The following FAM184A variants were observed in gnomAD, a reference collection of about 807,000 sequenced individuals.
FAM184A encodes the protein protein FAM184A.
In FAM184A, 99 loss-of-function variants were observed where a neutral mutation model predicts 143.8. That is an observed-to-expected ratio of 0.69 (90% CI 0.58 to 0.81). FAM184A has a LOEUF of 0.81. Ranked by LOEUF, FAM184A falls within the 40% of genes least tolerant of loss-of-function variation. The pLI is 0.00. For synonymous variants in FAM184A, 427 were observed against 446.4 expected (o/e 0.96, Z 0.55); for missense variants, 1,217 against 1,310.5 (o/e 0.93, Z 1.10).
At chr6:119,100,926 T>C (rs919821071) in intron 1 of FAM184A, among the ~76,000 whole-genome samples, 1 of 150,632 alleles carries the variant, frequency 6.6e-6, no homozygotes, top group Admixed American at 6.6e-5. Flanking sequence ...GCCACTGCAC[T>C]CCAGCCTGGG....
intron 1 of FAM184A, among the ~76,000 whole-genome samples, chr6:119,045,703 G>T (rs544115556): frequency 9.7e-4 from 148 of 152,102 alleles, no homozygotes; most frequent in South Asian, 8.1e-3. Context: ...TTACTAATAA[G>T]AGCAACAAAT....
chr6:119,106,736 ATTATC>A (rs1210319175), intron 1 of FAM184A, among the ~76,000 whole-genome samples: 13 of 152,230 alleles, frequency 8.5e-5, no homozygotes, highest in Non-Finnish European at 1.0e-4. Flanking sequence ...ACTAATTGTA[ATTATC>A]TTATGTGGCA....
In FAM184A at chr6:118,979,507, A is replaced by C. The variant is rs1783954089; in HGVS notation, c.2313T>G (p.Asn771Lys). The part of the protein sequence containing the change: ...EKEKEQRALE[N>K]HLQQKHSAEL... ...CTGCAGAATGCTTCTGTTGTAAATG[A>C]TTTTCAAGAGCCTAGAACAAGACAA... Residue 771 changes from asparagine (N) to lysine (K), a missense_variant, in exon 11 of 18, where the codon AAT (asparagine) becomes AAG (lysine). Coordinates refer to ENST00000338891, the MANE Select transcript of FAM184A (RefSeq NM_024581.6). 6.2e-7 allele frequency: 1 copy of C among 1,608,824 alleles called. No homozygotes were observed. The highest frequency in any genetic ancestry group is 8.5e-7 in the Non-Finnish European group (1 of 1,178,556).
chr6:119,003,560 CTCT>C lies in FAM184A; in HGVS notation c.1875_1877del (p.Glu626del), dbSNP rs541066875. ...GGGCCATTTTGTCCACTTTGAGCTT[CTCT>C]TCTTCTTTCATGGCAGCAATTGTTT... On this transcript the variant is annotated inframe_deletion, in exon 8 of 18. Coordinates refer to ENST00000338891, the MANE Select transcript of FAM184A (RefSeq NM_024581.6). The C allele has an allele frequency of 4.4e-5, 71 of 1,613,178 alleles. No homozygotes were observed. In the South Asian group the frequency reaches 6.8e-4, roughly 15 times the overall value.
chr6:119,081,377 G>A (rs1591369), upstream of FAM184A, among the ~76,000 whole-genome samples: 9,408 of 152,172 alleles, frequency 0.062, 412 homozygotes, highest in East Asian at 0.22. Flanking sequence ...TTAGTGCCCC[G>A]CTGCTCAAAC....
At chr6:119,075,508 G>A (rs891522561) in intron 1 of FAM184A, among the ~76,000 whole-genome samples, 6 of 152,102 alleles carry the variant, frequency 3.9e-5, no homozygotes, top group African/African-American at 1.4e-4. Context: ...AGTAAGTGGT[G>A]GAGTGAGAAT....
At chr6:119,015,689 G>A (rs1338220330) in intron 5 of FAM184A, among the ~76,000 whole-genome samples, 3 of 152,226 alleles carry the variant, frequency 2.0e-5, no homozygotes, top group African/African-American at 7.2e-5. Flanking sequence ...CCCATCGACC[G>A]CCCAAGGGCT....
intron 1 of FAM184A, among the ~76,000 whole-genome samples, chr6:119,035,853 C>T (rs970143034): frequency 6.6e-6 from 1 of 152,246 alleles, no homozygotes; most frequent in South Asian, 2.1e-4. Context: ...GTACATCTTA[C>T]GTGTACTGAT....
chr6:119,004,046 C>T (rs927349829), intron 7 of FAM184A, among the ~76,000 whole-genome samples: 4 of 152,170 alleles, frequency 2.6e-5, no homozygotes, highest in African/African-American at 9.7e-5. Flanking sequence ...TATAGCTGTA[C>T]CTGACACCAT....
intron 1 of FAM184A, among the ~76,000 whole-genome samples, chr6:119,129,693 G>GT (rs1562162081): frequency 1.4e-5 from 2 of 145,338 alleles, no homozygotes; most frequent in Non-Finnish European, 1.5e-5. Flanking sequence ...GGTGTTTTTT[G>GT]GTTTCATTTT....
intron 1 of FAM184A, among the ~76,000 whole-genome samples, chr6:119,129,638 T>C (rs1219833569): frequency 6.6e-6 from 1 of 151,044 alleles, no homozygotes; most frequent in African/African-American, 2.4e-5. Context: ...GAGAAATTTC[T>C]AGGGGTTCTC....
chr6:118,983,182 A>T (rs1784070016), intron 9 of FAM184A, among the ~76,000 whole-genome samples: 1 of 152,210 alleles, frequency 6.6e-6, no homozygotes, highest in South Asian at 2.1e-4. Flanking sequence ...CAATATCAAA[A>T]TTTATTTTGT....
At position 118,974,415 on chromosome 6, in the gene FAM184A, T is replaced by C; in HGVS notation, c.2915+13A>G. On this transcript the variant is annotated intron_variant, in intron 14 of 17. Coordinates refer to ENST00000338891, the MANE Select transcript of FAM184A (RefSeq NM_024581.6). ...TTATCCACATATGAATTTTCTTATA[T>C]AATATGACTTACGACACTTGTAAAG... is the stretch of plus-strand genomic sequence containing the variant. 1 of 1,602,054 alleles carries C rather than the reference T, an allele frequency of 6.2e-7. No homozygotes were observed. The highest frequency in any genetic ancestry group is 8.5e-7 in the Non-Finnish European group (1 of 1,174,972).
chr6:119,026,161 G>C (rs1167656046), intron 1 of FAM184A, among the ~76,000 whole-genome samples: 1 of 152,132 alleles, frequency 6.6e-6, no homozygotes, highest in Non-Finnish European at 1.5e-5. Context: ...TAAAAAGATT[G>C]AGAGATGGCA....
At chr6:119,030,012 T>G (rs1785810030) in intron 1 of FAM184A, among the ~76,000 whole-genome samples, 1 of 152,138 alleles carries the variant, frequency 6.6e-6, no homozygotes, top group African/African-American at 2.4e-5. Flanking sequence ...ATAAAAGATC[T>G]AAATTTGCAA....
intron 1 of FAM184A, among the ~76,000 whole-genome samples, chr6:119,131,119 A>G (rs1789523521): frequency 6.6e-6 from 1 of 152,120 alleles, no homozygotes; most frequent in Admixed American, 6.5e-5. Flanking sequence ...TCTGCCTCCC[A>G]AAGTGTTGGG....
chr6:119,024,564 C>G lies in FAM184A; in HGVS notation c.409G>C (p.Glu137Gln). The G allele has an allele frequency of 6.2e-7, 1 of 1,614,164 alleles. No individual in the cohort carries two copies. Among genetic ancestry groups the G allele is most frequent in the Non-Finnish European group, 8.5e-7 (1 of 1,180,028 alleles). Residue 137 changes from glutamate (E) to glutamine (Q), a missense_variant, in exon 2 of 18, where the codon GAG becomes CAG. Physicochemically the swap from Glu to Gln is conservative, Grantham distance 29. Coordinates refer to ENST00000338891, the MANE Select transcript of FAM184A (RefSeq NM_024581.6). ...TEFEAYKHRV[E>Q]DMQLCAEAQH... ...GCTTCTGCACAAAGTTGCATGTCCT[C>G]AACTCTGTGCTTATAAGCTTCAAAT...
chr6:119,057,547 T>C (rs560458499), intron 1 of FAM184A, among the ~76,000 whole-genome samples: 1 of 152,248 alleles, frequency 6.6e-6, no homozygotes, highest in South Asian at 2.1e-4. Flanking sequence ...AAGACCAGAA[T>C]GCTCAGGGTA....
rs921463708 is a variant in FAM184A at position 119,099,438 on chromosome 6, T to C, written c.-202+49640A>G. ...TGAAGAAACTAAAGATTTTCCTTTA[T>C]TTCATGCTTGGGGGAAGAGCTTCCA... On this transcript the variant is annotated intron_variant, in intron 1 of 16. Transcript: ENST00000352896. Among the ~76,000 whole-genome samples the C allele has an allele frequency of 2.0e-5, 3 of 152,176 alleles. No homozygotes were observed. In the East Asian group the frequency reaches 5.8e-4, roughly 29 times the overall value.
Sources: allele counts gnomAD v4.1 joint callset (sites outside exome capture counted in the v4.1 genomes callset), GRCh38; gene constraint gnomAD v4.1.1; transcripts MANE v1.5; gene names NCBI Gene and HGNC (gene_info 2026-07-23, HGNC 2026-07-21).